The following SKAP1 variants were observed in gnomAD, a reference collection of about 807,000 sequenced individuals.
SKAP1 encodes src kinase associated phosphoprotein 1.
Under a neutral mutation model 58.5 loss-of-function variants are expected in SKAP1, and 44 were observed. The ratio of observed to expected loss-of-function variants is 0.75; its 90% confidence interval spans 0.59 to 0.97. SKAP1 has a LOEUF of 0.97. Ranked by LOEUF, SKAP1 falls within the 50% of genes least tolerant of loss-of-function variation. The pLI, the probability that SKAP1 is intolerant of heterozygous loss-of-function variation, is 0.00. For missense variants in SKAP1, 390 were observed against 435.2 expected (o/e 0.90, Z 0.92); for synonymous variants, 127 against 149.7 (o/e 0.85, Z 1.11).
At chr17:48,181,633 G>A (rs948297996) in intron 8 of SKAP1, among the ~76,000 whole-genome samples, 5 of 152,300 alleles carry the variant, frequency 3.3e-5, no homozygotes, top group East Asian at 1.9e-4. Context: ...TTAGCTTGAC[G>A]TGTGTCTTTC....
intron 3 of SKAP1, among the ~76,000 whole-genome samples, chr17:48,361,511 G>A (rs2066939333): frequency 6.6e-6 from 1 of 152,068 alleles, no homozygotes; most frequent in Admixed American, 6.5e-5. Context: ...ACCCGGCCAA[G>A]GCTGCTATTT....
intron 4 of SKAP1, among the ~76,000 whole-genome samples, chr17:48,198,450 G>A (rs1338397992): frequency 6.2e-5 from 2 of 32,048 alleles, no homozygotes; most frequent in African/African-American, 1.6e-4. Flanking sequence ...GCGAGACTCC[G>A]TCTCAAAAAA....
intron 4 of SKAP1, among the ~76,000 whole-genome samples, chr17:48,322,030 C>T (rs572322964): frequency 1.3e-5 from 2 of 152,270 alleles, no homozygotes; most frequent in Admixed American, 6.5e-5. Context: ...CTTTGAATGT[C>T]TCCTTTCATA....
intron 4 of SKAP1, chr17:48,193,795 C>T (rs1161692149): frequency 1.1e-6 from 1 of 896,668 alleles, no homozygotes; most frequent in Non-Finnish European, 1.3e-6. Flanking sequence ...AACAGATCTG[C>T]AGAGAACTAC....
intron 4 of SKAP1, among the ~76,000 whole-genome samples, chr17:48,315,350 T>C (rs1164089237): frequency 6.6e-6 from 1 of 152,162 alleles, no homozygotes; most frequent in Non-Finnish European, 1.5e-5. Context: ...TATGCAAATA[T>C]GCATGTGTGC....
intron 1 of SKAP1, among the ~76,000 whole-genome samples, chr17:48,419,529 C>T (rs543559455): frequency 5.7e-4 from 86 of 152,134 alleles, no homozygotes; most frequent in African/African-American, 1.8e-3. Context: ...GTGATCCACC[C>T]GCCTCAGCCT....
the SKAP1 span, among the ~76,000 whole-genome samples, chr17:48,436,167 G>T: frequency 1.3e-5 from 2 of 151,948 alleles, no homozygotes; most frequent in African/African-American, 4.8e-5. Context: ...CACCTCCTGG[G>T]TTCAAGTGAT....
intron 1 of SKAP1, among the ~76,000 whole-genome samples, chr17:48,406,895 G>A (rs1328853550): frequency 6.6e-6 from 1 of 151,784 alleles, no homozygotes; most frequent in Non-Finnish European, 1.5e-5. Flanking sequence ...TAGAGATAGG[G>A]TTTCACCATG....
chr17:48,276,435 C>T (rs9909872), intron 4 of SKAP1, among the ~76,000 whole-genome samples: 50,061 of 151,976 alleles, frequency 0.33, 8,965 homozygotes, highest in African/African-American at 0.47. Flanking sequence ...GTTAGTTGTA[C>T]ACATCTGTTT....
intron 11 of SKAP1, among the ~76,000 whole-genome samples, chr17:48,147,201 G>C (rs942779742): frequency 1.3e-5 from 2 of 152,128 alleles, no homozygotes; most frequent in African/African-American, 4.8e-5. Context: ...CAGTCTATCA[G>C]CCCCTAACCC....
At chr17:48,396,189 G>T (rs1302672025) in intron 2 of SKAP1, among the ~76,000 whole-genome samples, 3 of 152,098 alleles carry the variant, frequency 2.0e-5, no homozygotes, top group Admixed American at 2.0e-4. Context: ...TTTAAAAAAT[G>T]ACATAATATT....
chr17:48,316,281 A>G (rs1051637312), intron 4 of SKAP1, among the ~76,000 whole-genome samples: 2 of 152,152 alleles, frequency 1.3e-5, no homozygotes, highest in African/African-American at 4.8e-5. Flanking sequence ...CTAGCCACAC[A>G]GGTGTGGCTC....
chr17:48,334,925 T>G (rs1181251394), intron 4 of SKAP1, among the ~76,000 whole-genome samples: 1 of 151,818 alleles, frequency 6.6e-6, no homozygotes, highest in Non-Finnish European at 1.5e-5. Flanking sequence ...TTTCCTTATT[T>G]AAAAAAATAA....
intron 11 of SKAP1, among the ~76,000 whole-genome samples, chr17:48,160,626 G>C (rs1462652788): frequency 3.9e-5 from 6 of 152,206 alleles, no homozygotes; most frequent in Non-Finnish European, 7.3e-5. Context: ...CCCCCAGTGA[G>C]AAGCCATTAA....
In SKAP1 at chr17:48,244,536, A is replaced by T. The variant is rs193195071; in HGVS notation, c.281-55036T>A. ...TCCTGTCAGGTCATAAATACCTCTC[A>T]CTCAAGCTTCACTCACAGCTGGGCC... On this transcript the variant is annotated intron_variant, in intron 4 of 12. Coordinates refer to ENST00000336915, the MANE Select transcript of SKAP1 (RefSeq NM_003726.4). 1.9e-4 allele frequency among the ~76,000 whole-genome samples: 29 copies of T among 152,126 alleles called. 1 individual carries two copies. Among genetic ancestry groups the T allele is most frequent in the Admixed American group, 1.4e-3 (22 of 15,284 alleles).
chr17:48,393,903 C>A (rs1425927786), intron 2 of SKAP1, among the ~76,000 whole-genome samples: 3 of 151,938 alleles, frequency 2.0e-5, no homozygotes, highest in Non-Finnish European at 2.9e-5. Context: ...ACCACCCCCC[C>A]CAAATTTATC....
At chr17:48,430,277 G>T, upstream of SKAP1, 1 of 445,812 alleles carries the variant, frequency 2.2e-6, no homozygotes, top group Non-Finnish European at 3.4e-6. Flanking sequence ...GTCCCCGGGC[G>T]CGTCAGGAAG....
At chr17:48,356,750 G>C (rs2066880713) in intron 3 of SKAP1, among the ~76,000 whole-genome samples, 2 of 152,008 alleles carry the variant, frequency 1.3e-5, no homozygotes, top group Admixed American at 6.6e-5. Context: ...CATGCACATG[G>C]TGAAAATTCA....
chr17:48,205,720 A>G (rs2064801872), intron 4 of SKAP1, among the ~76,000 whole-genome samples: 1 of 152,214 alleles, frequency 6.6e-6, no homozygotes, highest in African/African-American at 2.4e-5. Context: ...GAAATTCTCC[A>G]CAGCAACAAT....
Sources: gnomAD v4.1 joint callset for allele counts (sites outside exome capture counted in the v4.1 genomes callset) on GRCh38, gnomAD v4.1.1 for gene constraint, MANE v1.5 for transcripts, NCBI Gene and HGNC (gene_info 2026-07-23, HGNC 2026-07-21) for gene names.